ARHGEF28: variants seen among roughly 807,000 people sequenced by gnomAD.
The protein encoded by ARHGEF28 is 190 kDa guanine nucleotide exchange factor.
In ARHGEF28, 152 loss-of-function variants were observed where a neutral mutation model predicts 206.6. The observed-to-expected ratio is 0.74, with a 90% CI of 0.64 to 0.84. The LOEUF (loss-of-function observed/expected upper bound fraction) is 0.84, where lower values mean the gene tolerates loss of function less well. ARHGEF28 is among the 40% of genes least tolerant of loss of function. ARHGEF28 has a pLI of 0.00. For synonymous variants in ARHGEF28, 763 were observed against 776.4 expected (o/e 0.98, Z 0.29); for missense variants, 2,028 against 2,073.2 (o/e 0.98, Z 0.42).
intron 35 of ARHGEF28, among the ~76,000 whole-genome samples, chr5:73,916,599 G>C (rs1378537628): frequency 6.6e-6 from 1 of 152,098 alleles, no homozygotes; most frequent in Non-Finnish European, 1.5e-5. Context: ...TTATATCAGT[G>C]ATATTGGATT....
intron 4 of ARHGEF28, among the ~76,000 whole-genome samples, chr5:73,763,326 A>G (rs948565367): frequency 3.9e-5 from 6 of 152,154 alleles, no homozygotes; most frequent in Non-Finnish European, 8.8e-5. Flanking sequence ...CTCATACCCA[A>G]AGAGTGTAAT....
intron 1 of ARHGEF28, among the ~76,000 whole-genome samples, chr5:73,666,265 G>A (rs1745949117): frequency 6.6e-6 from 1 of 152,188 alleles, no homozygotes; most frequent in South Asian, 2.1e-4. Context: ...CTGGGGTGGG[G>A]GTTGGACCTC....
chr5:73,838,401 A>T (rs1757791178), intron 10 of ARHGEF28, among the ~76,000 whole-genome samples: 2 of 152,230 alleles, frequency 1.3e-5, no homozygotes, highest in Non-Finnish European at 2.9e-5. Flanking sequence ...TGGCAAGGAA[A>T]CCTAAAAACA....
chr5:73,795,390 G>A lies in ARHGEF28; in HGVS notation c.1023G>A (p.Leu341=), dbSNP rs749461139. 6.2e-7 allele frequency: 1 copy of A among 1,613,254 alleles called. No individual in the cohort carries two copies. The highest frequency in any genetic ancestry group is 1.1e-5 in the South Asian group (1 of 91,010). The change falls in exon 9 of 36, where the codon TTG becomes TTA. Residue 341 remains leucine (L), a splice_region_variant and synonymous_variant. Transcript: ENST00000513042. The part of the protein sequence containing the change: ...NEHEDQHSLD[L]DRSFDILKKS... ...ATGAAGACCAGCACAGCCTAGATTT[G>A]GGTATGAAATAACGCTTTTACCTAT...
At chr5:73,844,411 A>T (rs1320719985) in intron 11 of ARHGEF28, among the ~76,000 whole-genome samples, 1 of 152,184 alleles carries the variant, frequency 6.6e-6, no homozygotes. Context: ...AGATTGTTGT[A>T]CTAGGAAACC....
chr5:73,755,563 C>A (rs1752261418), intron 4 of ARHGEF28, among the ~76,000 whole-genome samples: 1 of 152,130 alleles, frequency 6.6e-6, no homozygotes, highest in Non-Finnish European at 1.5e-5. Context: ...AACTAAGGGT[C>A]TCCAAAATGG....
rs58176732 is a variant in ARHGEF28, at chr5:73,722,038, A to T, written c.34-27799A>T. ...GAGTATATCTGGGAGCCTGTCAATT[A>T]TGATCTTTTGCTGCTATTCAGTGGT... On this transcript the variant is annotated intron_variant, in intron 2 of 35. Coordinates refer to ENST00000513042, the MANE Select transcript of ARHGEF28 (RefSeq NM_001177693.2). Among the ~76,000 whole-genome samples, 394 of 152,324 alleles carry T rather than the reference A, an allele frequency of 2.6e-3. 3 individuals are homozygous for T. The highest frequency in any genetic ancestry group is 8.9e-3 in the African/African-American group (371 of 41,574).
intron 9 of ARHGEF28, 104 bp from the exon 10 acceptor site, chr5:73,832,234 A>G (rs1757343052): frequency 7.2e-7 from 1 of 1,387,378 alleles, no homozygotes; most frequent in Non-Finnish European, 9.6e-7. Context: ...AGCCCTCTTA[A>G]AAAATGCACT....
intron 1 of ARHGEF28, among the ~76,000 whole-genome samples, chr5:73,675,275 T>C (rs1166284091): frequency 6.6e-6 from 1 of 152,134 alleles, no homozygotes; most frequent in Non-Finnish European, 1.5e-5. Context: ...TGCTGAAGCA[T>C]GTTGTGAGAT....
At position 73,870,110 on chromosome 5, in the gene ARHGEF28, G is replaced by A; in HGVS notation, c.2467G>A (p.Ala823Thr). 6.2e-7 allele frequency: 1 copy of A among 1,613,884 alleles called. No homozygotes were observed. Among genetic ancestry groups the A allele is most frequent in the South Asian group, 1.1e-5 (1 of 91,072 alleles). The change falls in exon 21 of 36, where the codon GCC becomes ACC. Residue 823 changes from alanine (A) to threonine (T), a missense_variant. By Grantham distance (58) the Ala-to-Thr change is moderately conservative (BLOSUM62 0). Coordinates refer to ENST00000513042, the MANE Select transcript of ARHGEF28 (RefSeq NM_001177693.2). Reference protein sequence around the residue: ...SSLWSDLSSDAQEFEAESWSL... With the variant: ...SSLWSDLSSDTQEFEAESWSL... ...TCTGTGGAGTGACCTCAGCAGTGAT[G>A]CCCAGGAGTTTGAAGCAGAATCTTG...
chr5:73,889,183 A>C (rs1018000908), intron 26 of ARHGEF28, among the ~76,000 whole-genome samples: 6 of 152,202 alleles, frequency 3.9e-5, no homozygotes, highest in Admixed American at 2.0e-4. Context: ...AGAATTTTAG[A>C]AAGTTTTCCT....
chr5:73,900,007 A>G (rs141814156), intron 30 of ARHGEF28: 1 of 152,372 alleles, frequency 6.6e-6, no homozygotes, highest in East Asian at 1.9e-4. Flanking sequence ...AGCACCCAAT[A>G]GTAGAACCAT....
rs373370600 is a variant in ARHGEF28 at position 73,798,951 on chromosome 5, G to A, written c.1024+3560G>A. On this transcript the variant is annotated intron_variant, in intron 9 of 35. Transcript: ENST00000513042. ...AAAAATACCAAATTAGCCAGGCGTG[G>A]TGGCGCATGCCTGCAGTCCTGCTAC... Among the ~76,000 whole-genome samples the A allele has an allele frequency of 2.6e-3, 389 of 152,248 alleles. 1 individual carries two copies. Among genetic ancestry groups the A allele is most frequent in the African/African-American group, 8.6e-3 (358 of 41,540 alleles).
At chr5:73,889,837 G>A (rs1220087762) in intron 26 of ARHGEF28, among the ~76,000 whole-genome samples, 1 of 152,226 alleles carries the variant, frequency 6.6e-6, no homozygotes, top group African/African-American at 2.4e-5. Context: ...AAGATGTCAG[G>A]GATTACTTGG....
intron 16 of ARHGEF28, 110 bp downstream of exon 16, chr5:73,858,329 T>C: frequency 7.4e-7 from 1 of 1,353,454 alleles, no homozygotes; most frequent in Non-Finnish European, 9.9e-7. Context: ...GTGCCACACA[T>C]ATGACTGAAC....
intron 1 of ARHGEF28, among the ~76,000 whole-genome samples, chr5:73,651,388 A>G (rs1744818421): frequency 6.6e-6 from 1 of 152,248 alleles, no homozygotes; most frequent in South Asian, 2.1e-4. Flanking sequence ...AGATAGCAAT[A>G]ATGGAGGGAA....
At chr5:73,779,076 A>G (rs74631396) in intron 6 of ARHGEF28, among the ~76,000 whole-genome samples, 1,948 of 152,282 alleles carry the variant, frequency 0.013, 53 homozygotes, top group African/African-American at 0.044. Flanking sequence ...TACAATATAT[A>G]AGAGCTCTCC....
At chr5:73,857,584 C>CACAT in intron 14 of ARHGEF28, 72 bp from the exon 15 acceptor site, 1 of 1,212,132 alleles carries the variant, frequency 8.2e-7, no homozygotes, top group Non-Finnish European at 1.2e-6. Context: ...CACACACACA[C>CACAT]ACATACACAC....
chr5:73,895,587 C>T (rs1761916880), intron 29 of ARHGEF28, among the ~76,000 whole-genome samples: 1 of 152,174 alleles, frequency 6.6e-6, no homozygotes, highest in South Asian at 2.1e-4. Context: ...AAACCAGCCA[C>T]CTCCTGAGAG....
Sources: gnomAD v4.1 joint callset for allele counts (sites outside exome capture counted in the v4.1 genomes callset) on GRCh38, gnomAD v4.1.1 for gene constraint, MANE v1.5 for transcripts, NCBI Gene and HGNC (gene_info 2026-07-23, HGNC 2026-07-21) for gene names.